Variants in MUC13 observed in about 807,000 individuals in gnomAD.
The protein encoded by MUC13 is mucin 13, cell surface associated.
MUC13 carries 32 observed loss-of-function variants against 48.3 expected under a neutral mutation model. That is an observed-to-expected ratio of 0.66 (90% CI 0.50 to 0.89). The LOEUF is 0.89. Ranked by LOEUF, MUC13 falls within the 40% of genes least tolerant of loss-of-function variation. MUC13 has a pLI of 0.00. For missense variants in MUC13, 571 were observed against 622.8 expected, an observed-to-expected ratio of 0.92 and a Z score of 0.88; for synonymous variants, 199 against 224.9, an observed-to-expected ratio of 0.88 and a Z score of 1.03.
rs1935512065 is a variant in MUC13, at chr3:124,916,411, A to G, written c.870T>C (p.Ile290=). 1 of 1,613,714 alleles carries G rather than the reference A, an allele frequency of 6.2e-7. No individual in the cohort carries two copies. Among genetic ancestry groups the G allele is most frequent in the Non-Finnish European group, 8.5e-7 (1 of 1,179,932 alleles). The change falls in exon 6 of 12, where the codon ATT becomes ATC. Residue 290 remains isoleucine (I), a synonymous_variant. Coordinates refer to ENST00000616727, the MANE Select transcript of MUC13 (RefSeq NM_033049.4). ...CATTGTCACTTGTGGTTTCTGCCAA[A>G]ATTGTTACTATTGTTACATTAACAA... ...DKFVNVTIVT[I]LAETTSDNEK... is the part of the protein sequence containing the mutation.
intron 5 of MUC13, among the ~76,000 whole-genome samples, chr3:124,919,152 A>G (rs1396095722): frequency 1.3e-5 from 2 of 151,692 alleles, no homozygotes; most frequent in African/African-American, 4.8e-5. Context: ...CCTGGCCAAC[A>G]TGGTGAAACC....
chr3:124,911,438 T>C (rs1294233728), intron 9 of MUC13, among the ~76,000 whole-genome samples: 1 of 152,226 alleles, frequency 6.6e-6, no homozygotes, highest in Admixed American at 6.5e-5. Context: ...TAGCAAATTA[T>C]TCCTTGCAAT....
chr3:124,923,867 G>A (rs1016852765), intron 2 of MUC13, among the ~76,000 whole-genome samples: 8 of 152,096 alleles, frequency 5.3e-5, no homozygotes, highest in African/African-American at 1.7e-4. Flanking sequence ...TATAATACTT[G>A]TCAATAGTAA....
At chr3:124,917,748 C>CG (rs1192541548) in intron 5 of MUC13, among the ~76,000 whole-genome samples, 3 of 948 alleles carry the variant, frequency 3.2e-3, no homozygotes, top group African/African-American at 0.018. Context: ...TTTGGTGGGG[C>CG]GGGGGCGGGG....
intron 1 of MUC13, among the ~76,000 whole-genome samples, chr3:124,932,222 C>G (rs1393149675): frequency 6.6e-6 from 1 of 152,058 alleles, no homozygotes; most frequent in East Asian, 1.9e-4. Flanking sequence ...GTCTGCATTA[C>G]TTGTATAACT....
chr3:124,920,199 A>T, intron 5 of MUC13, 35 bp downstream of exon 5: 1 of 1,572,556 alleles, frequency 6.4e-7, no homozygotes, highest in Middle Eastern at 1.7e-4. Context: ...AGACAGACAC[A>T]CATCTGCCTC....
chr3:124,922,104 G>T, intron 4 of MUC13, 93 bp downstream of exon 4: 2 of 1,422,970 alleles, frequency 1.4e-6, no homozygotes, highest in South Asian at 1.4e-5. Context: ...ACGATGGTAC[G>T]AGCGTGAACC....
At position 124,920,270 on chromosome 3, in the gene MUC13, G is replaced by A; in HGVS notation, c.764C>T (p.Thr255Ile). ...ITSLFKDVFGTSVYGQTVILT... is the reference protein window; with the variant it reads ...ITSLFKDVFGISVYGQTVILT... ...AATTACAGTCTGTCCATAAACAGATGTGCCAAATACATCTTTAAACTGTGG... is the reference window on the plus strand; with the variant it reads ...AATTACAGTCTGTCCATAAACAGATATGCCAAATACATCTTTAAACTGTGG... The change falls in exon 5 of 12, where the codon ACA (threonine) becomes ATA (isoleucine). Residue 255 changes from threonine to isoleucine, a missense_variant. Thr to Ile is a moderately conservative substitution (Grantham distance 89). Coordinates refer to ENST00000616727, the MANE Select transcript of MUC13 (RefSeq NM_033049.4). 2 of 1,606,220 alleles carry A rather than the reference G, an allele frequency of 1.2e-6. No homozygotes were observed. Among genetic ancestry groups the A allele is most frequent in the South Asian group, 2.2e-5 (2 of 89,538 alleles).
chr3:124,925,086 G>A (rs577146014), intron 2 of MUC13, among the ~76,000 whole-genome samples: 36 of 152,280 alleles, frequency 2.4e-4, no homozygotes, highest in South Asian at 2.1e-4. Flanking sequence ...CCAAGATACC[G>A]TTCAGTAGGT....
chr3:124,927,948 G>A lies in MUC13; in HGVS notation c.98C>T (p.Thr33Ile), dbSNP rs368580738. 3 of 1,581,038 alleles carry A rather than the reference G, an allele frequency of 1.9e-6. No individual in the cohort carries two copies. The highest frequency in any genetic ancestry group is 2.6e-6 in the Non-Finnish European group (3 of 1,163,912). ...AGCTACTGTAGGACCACTAGTCGCA[G>A]TTTCTGTGGTTGTTACAGCATCAGC... ...NSADAVTTTE[T>I]ATSGPTVAAA... Residue 33 changes from threonine (T) to isoleucine (I), a missense_variant, in exon 2 of 12, where the codon ACT becomes ATT. Coordinates refer to ENST00000616727, the MANE Select transcript of MUC13 (RefSeq NM_033049.4).
At chr3:124,907,832 A>G (rs1174069789) in intron 11 of MUC13, among the ~76,000 whole-genome samples, 2 of 152,082 alleles carry the variant, frequency 1.3e-5, no homozygotes, top group African/African-American at 2.4e-5. Flanking sequence ...TGTCATCATC[A>G]TAATCTCTGG....
chr3:124,909,485 C>CAT (rs372823172), intron 10 of MUC13, among the ~76,000 whole-genome samples: 2,082 of 148,448 alleles, frequency 0.014, 28 homozygotes, highest in Middle Eastern at 0.031. Flanking sequence ...TGTGTGCTTG[C>CAT]GTGTGTGTGT....
chr3:124,916,502 C>T, intron 5 of MUC13, 22 bp from the exon 6 acceptor site: 1 of 1,595,674 alleles, frequency 6.3e-7, no homozygotes, highest in Non-Finnish European at 8.6e-7. Flanking sequence ...ATGAATCTGT[C>T]ACTTAATGAA....
rs1935427752 is a variant in MUC13, at chr3:124,912,027, A to T, written c.1252+77T>A. The T allele has an allele frequency of 6.4e-6, 10 of 1,550,800 alleles. 1 individual carries two copies. In the Admixed American group the frequency reaches 1.9e-4, roughly 29 times the overall value. ...GGACAGAGACTTTGAAGGACTGGGC[A>T]GGATGTTGAATGGGGTCACTATTGA... On this transcript the variant is annotated intron_variant, in intron 9 of 11. Coordinates refer to ENST00000616727, the MANE Select transcript of MUC13 (RefSeq NM_033049.4).
chr3:124,932,115 A>T (rs567125756), intron 1 of MUC13, among the ~76,000 whole-genome samples: 3 of 152,192 alleles, frequency 2.0e-5, no homozygotes, highest in Non-Finnish European at 4.4e-5. Flanking sequence ...CAAAACTGTC[A>T]GTATTAATAT....
chr3:124,926,309 C>T (rs1935685794), intron 2 of MUC13, among the ~76,000 whole-genome samples: 1 of 152,186 alleles, frequency 6.6e-6, no homozygotes, highest in African/African-American at 2.4e-5. Context: ...AGAGAAATGA[C>T]TTGCCCCATG....
At chr3:124,914,748 G>A (rs368373804) in intron 6 of MUC13, among the ~76,000 whole-genome samples, 4 of 151,972 alleles carry the variant, frequency 2.6e-5, no homozygotes, top group South Asian at 2.1e-4. Context: ...CCAAAATGGC[G>A]AAAACCGTCT....
chr3:124,910,527 T>C (rs1935403158), intron 9 of MUC13, 28 bp from the exon 10 acceptor site: 1 of 1,613,088 alleles, frequency 6.2e-7, no homozygotes, highest in Admixed American at 1.7e-5. Context: ...ATAAGAACAG[T>C]CTCCAACAAG....
Position 124,917,238 on chromosome 3 carries a change from CAG to C in MUC13, c.801-760_801-759del, listed in dbSNP as rs142372866. 3.5e-3 allele frequency among the ~76,000 whole-genome samples: 530 copies of C among 152,134 alleles called. 1 individual carries two copies. Among genetic ancestry groups the C allele is most frequent in the African/African-American group, 0.011 (471 of 41,520 alleles). On this transcript the variant is annotated intron_variant, in intron 5 of 11. Transcript: ENST00000616727. ...GAATCAAGTGATACAATCACTGAAACAGGGGGAAAAATGACTTTTAAAAACAT... is the reference window on the plus strand; with the variant it reads ...GAATCAAGTGATACAATCACTGAAACGGGGAAAAATGACTTTTAAAAACAT...
Sources: allele counts gnomAD v4.1 joint callset (sites outside exome capture counted in the v4.1 genomes callset), GRCh38; gene constraint gnomAD v4.1.1; transcripts MANE v1.5; gene names NCBI Gene and HGNC (gene_info 2026-07-23, HGNC 2026-07-21).